DLG2: variants seen among roughly 807,000 people sequenced by gnomAD.
DLG2 encodes disks large homolog 2.
DLG2 carries 45 observed loss-of-function variants against 132.5 expected under a neutral mutation model. That is an observed-to-expected ratio of 0.34 (90% confidence interval 0.27 to 0.44). The LOEUF is 0.44. Ranked by LOEUF, DLG2 falls within the 20% of genes least tolerant of loss-of-function variation. DLG2 has a pLI of 1.00. For synonymous variants in DLG2, 424 were observed against 419.6 expected, an observed-to-expected ratio of 1.01 and a Z score of -0.13; for missense variants, 1,045 against 1,196.9, an observed-to-expected ratio of 0.87 and a Z score of 1.87.
chr11:83,636,253 C>G (rs1338327113), intron 18 of DLG2, among the ~76,000 whole-genome samples: 1 of 152,166 alleles, frequency 6.6e-6, no homozygotes, highest in Non-Finnish European at 1.5e-5. Context: ...AGTTGTTCAT[C>G]TTCCATTAGA....
intron 7 of DLG2, among the ~76,000 whole-genome samples, chr11:84,301,651 C>CAAAAAAAA (rs753899806): frequency 3.8e-5 from 1 of 26,604 alleles, no homozygotes; most frequent in Non-Finnish European, 7.3e-5. Context: ...AGGCGAGACT[C>CAAAAAAAA]AAAAAAAAAA....
chr11:83,539,179 T>G (rs7101681), intron 20 of DLG2, among the ~76,000 whole-genome samples: 1 of 152,164 alleles, frequency 6.6e-6, no homozygotes, highest in African/African-American at 2.4e-5. Flanking sequence ...TTCAATAAAA[T>G]TTATTCACCA....
At chr11:83,790,272 A>C in intron 17 of DLG2, 1 of 926,478 alleles carries the variant, frequency 1.1e-6, no homozygotes, top group Non-Finnish European at 1.8e-6. Flanking sequence ...CTACCATTTG[A>C]GTGCCCAAGT....
chr11:84,651,968 G>A (rs1594907862), intron 6 of DLG2, among the ~76,000 whole-genome samples: 1 of 152,274 alleles, frequency 6.6e-6, no homozygotes, highest in East Asian at 1.9e-4. Flanking sequence ...ATTGGGAGAT[G>A]AAGAATATCA....
intron 3 of DLG2, among the ~76,000 whole-genome samples, chr11:85,516,859 G>GT (rs2094179609): frequency 6.6e-6 from 1 of 151,950 alleles, no homozygotes; most frequent in African/African-American, 2.4e-5. Context: ...AAAAGAAACA[G>GT]TATCAGTCCT....
intron 6 of DLG2, among the ~76,000 whole-genome samples, chr11:84,794,491 AC>A (rs1318042753): frequency 5.3e-5 from 8 of 152,166 alleles, no homozygotes; most frequent in Non-Finnish European, 1.5e-5. Context: ...AGCTGCAGCC[AC>A]CCAGCAATGG....
chr11:84,613,756 A>G (rs1171341932), intron 6 of DLG2, among the ~76,000 whole-genome samples: 1 of 152,128 alleles, frequency 6.6e-6, no homozygotes, highest in Non-Finnish European at 1.5e-5. Context: ...TTCAGAACCT[A>G]CTACTCTAAA....
At chr11:85,193,940 T>G (rs775034971) in intron 4 of DLG2, among the ~76,000 whole-genome samples, 20 of 152,228 alleles carry the variant, frequency 1.3e-4, no homozygotes, top group Non-Finnish European at 2.6e-4. Context: ...AGGGTTATAG[T>G]GCTGCAGGCA....
chr11:84,376,526 A>G (rs2098729557), intron 7 of DLG2, among the ~76,000 whole-genome samples: 1 of 151,974 alleles, frequency 6.6e-6, no homozygotes, highest in Non-Finnish European at 1.5e-5. Context: ...TCTTGTGTCC[A>G]TATGGAAGGT....
intron 6 of DLG2, among the ~76,000 whole-genome samples, chr11:84,544,863 A>G (rs1352909475): frequency 6.6e-6 from 1 of 152,208 alleles, no homozygotes; most frequent in Admixed American, 6.5e-5. Flanking sequence ...GTGGTCGCTA[A>G]AAGTGAATTT....
intron 14 of DLG2, among the ~76,000 whole-genome samples, chr11:83,950,372 A>T (rs11233846): frequency 0.1 from 15,321 of 152,268 alleles, 854 homozygotes; most frequent in Non-Finnish European, 0.12. Flanking sequence ...AGGTGGGTGG[A>T]TCACTTCAGG....
At chr11:84,325,359 C>G (rs2098425429) in intron 7 of DLG2, among the ~76,000 whole-genome samples, 1 of 152,018 alleles carries the variant, frequency 6.6e-6, no homozygotes, top group Non-Finnish European at 1.5e-5. Flanking sequence ...ATTCCTCCCC[C>G]AACCCCCTCA....
intron 6 of DLG2, among the ~76,000 whole-genome samples, chr11:84,575,615 T>G (rs1025706370): frequency 1.3e-5 from 2 of 152,230 alleles, no homozygotes; most frequent in Non-Finnish European, 1.5e-5. Flanking sequence ...AGGCATGCAA[T>G]GCATAATAAT....
At chr11:84,227,409 A>C (rs943455817) in intron 8 of DLG2, among the ~76,000 whole-genome samples, 4 of 152,160 alleles carry the variant, frequency 2.6e-5, no homozygotes, top group African/African-American at 7.2e-5. Context: ...GGAGGTCATG[A>C]GTGTATATCA....
chr11:83,978,185 T>A (rs942172488), intron 12 of DLG2, among the ~76,000 whole-genome samples: 7 of 151,734 alleles, frequency 4.6e-5, no homozygotes, highest in African/African-American at 7.3e-5. Flanking sequence ...TTTTTTTTTT[T>A]AAATTTGGAA....
At chr11:84,669,578 G>T (rs17147488) in intron 6 of DLG2, among the ~76,000 whole-genome samples, 17,772 of 152,084 alleles carry the variant, frequency 0.12, 2,103 homozygotes, top group African/African-American at 0.31. Context: ...ATATTAGATA[G>T]GTACGGAAGA....
chr11:84,611,789 C>G (rs1280790717), intron 6 of DLG2, among the ~76,000 whole-genome samples: 2 of 152,118 alleles, frequency 1.3e-5, no homozygotes, highest in Non-Finnish European at 2.9e-5. Context: ...TATACAATAC[C>G]TTTATGCCAA....
intron 18 of DLG2, among the ~76,000 whole-genome samples, chr11:83,724,178 G>A (rs2089429313): frequency 6.6e-6 from 1 of 152,106 alleles, no homozygotes. Context: ...TTACTGATAA[G>A]AAAACTGAAC....
chr11:85,208,851 G>A (rs566581520), intron 4 of DLG2, among the ~76,000 whole-genome samples: 1 of 152,166 alleles, frequency 6.6e-6, no homozygotes, highest in Non-Finnish European at 1.5e-5. Flanking sequence ...TGCAAACAAG[G>A]GAGGGATAGA....
Sources: allele counts gnomAD v4.1 joint callset (sites outside exome capture counted in the v4.1 genomes callset), GRCh38; gene constraint gnomAD v4.1.1; transcripts MANE v1.5; gene names NCBI Gene and HGNC (gene_info 2026-07-23, HGNC 2026-07-21).